CHRNA4: variants seen among roughly 807,000 people sequenced by gnomAD.
CHRNA4 encodes the protein cholinergic receptor nicotinic alpha 4 subunit.
Under a neutral mutation model 48.9 loss-of-function variants are expected in CHRNA4, and 28 were observed. That is an observed-to-expected ratio of 0.57 (90% CI 0.42 to 0.79). CHRNA4 has a LOEUF of 0.79. Ranked by LOEUF, CHRNA4 falls within the 30% of genes least tolerant of loss-of-function variation. The pLI is 0.00. For missense variants in CHRNA4, 859 were observed against 898.4 expected (o/e 0.96, Z 0.56); for synonymous variants, 425 against 402.3 (o/e 1.06, Z -0.68).
At position 63,350,128 on chromosome 20, in the gene CHRNA4, T is replaced by A. The variant is rs560507450; in HGVS notation, c.1283A>T (p.Gln428Leu). 6 of 1,560,412 alleles carry A rather than the reference T, an allele frequency of 3.8e-6. No individual in the cohort carries two copies. In the African/African-American group the frequency reaches 6.7e-5, roughly 18 times the overall value. The change falls in exon 5 of 6, where the codon CAG (glutamine) becomes CTG (leucine). Residue 428 changes from glutamine (Q) to leucine (L), a missense_variant. Coordinates refer to ENST00000370263, the MANE Select transcript of CHRNA4 (RefSeq NM_000744.7). ...TTCCAGGGGCTGCTGAGGAGGGAGCTGGTCGGAGGGTGACTTGCAGGAAGG... is the reference window on the plus strand; with the variant it reads ...TTCCAGGGGCTGCTGAGGAGGGAGCAGGTCGGAGGGTGACTTGCAGGAAGG... ...PGPSCKSPSD[Q>L]LPPQQPLEAE...
chr20:63,353,668 TG>T, intron 4 of CHRNA4, among the ~76,000 whole-genome samples: 1 of 43,574 alleles, frequency 2.3e-5, no homozygotes, highest in Non-Finnish European at 4.2e-5. Flanking sequence ...GCTGTGGTCC[TG>T]GGAGGGCTGC....
intron 2 of CHRNA4, among the ~76,000 whole-genome samples, chr20:63,357,882 T>C (rs1185981865): frequency 6.6e-6 from 1 of 152,156 alleles, no homozygotes; most frequent in African/African-American, 2.4e-5. Flanking sequence ...GTCTTGGTTC[T>C]GGGTGTGCTC....
chr20:63,351,677 G>C (rs914417559), intron 4 of CHRNA4, among the ~76,000 whole-genome samples: 6 of 152,248 alleles, frequency 3.9e-5, no homozygotes, highest in African/African-American at 1.4e-4. Context: ...TGGCCACCCA[G>C]GGCCAATGCA....
rs556758179 is a variant in CHRNA4 at position 63,348,487 on chromosome 20, C to T, written c.1758+1166G>A. Among the ~76,000 whole-genome samples, 10 of 152,344 alleles carry T rather than the reference C, an allele frequency of 6.6e-5. No individual in the cohort carries two copies. The South Asian group carries it at 2.1e-3, about 32-fold the overall frequency. On this transcript the variant is annotated intron_variant, in intron 5 of 5. Coordinates refer to ENST00000370263, the MANE Select transcript of CHRNA4 (RefSeq NM_000744.7). ...TCATGGGTATGGAGCACGGGCCCCT[C>T]GCTTTGGGGCTCGCTCAGCTAGTGG...
chr20:63,351,688 G>C (rs947249339), intron 4 of CHRNA4, among the ~76,000 whole-genome samples: 1 of 152,264 alleles, frequency 6.6e-6, no homozygotes, highest in Admixed American at 6.5e-5. Flanking sequence ...GGCCAATGCA[G>C]TGGGGCTGCA....
At chr20:63,352,558 C>G (rs1358469663) in intron 4 of CHRNA4, among the ~76,000 whole-genome samples, 1 of 152,194 alleles carries the variant, frequency 6.6e-6, no homozygotes, top group South Asian at 2.1e-4. Flanking sequence ...CGGGGCTTTA[C>G]CACCAAGTCA....
chr20:63,345,267 G>A lies in CHRNA4; in HGVS notation c.*1471C>T, dbSNP rs946591971. 1 of 452,538 alleles carries A rather than the reference G, an allele frequency of 2.2e-6. No homozygotes were observed. Among genetic ancestry groups the A allele is most frequent in the East Asian group, 7.0e-5 (1 of 14,342 alleles). The allele number at this position is 452,538 out of a possible 1,614,324, so 28.0% of individuals were successfully genotyped here. A position where few individuals can be genotyped will look rare whatever the true frequency, so the allele number is the denominator to read the frequency against. ...CCCAACCCCATCCCCACCCCTGGCT[G>A]GATGGGGTCTGGGGGCAGCAGAATG... is the stretch of plus-strand genomic sequence containing the variant. On this transcript the variant is annotated 3_prime_UTR_variant, in exon 6 of 6. Coordinates refer to ENST00000370263, the MANE Select transcript of CHRNA4 (RefSeq NM_000744.7). The surrounding 1 kb of genome is among the most constrained non-coding windows in gnomAD (Gnocchi z 5.4).
intron 4 of CHRNA4, chr20:63,354,574 A>C: frequency 1.8e-6 from 1 of 548,772 alleles, no homozygotes; most frequent in South Asian, 8.9e-5. Flanking sequence ...GGTCCTGGTG[A>C]GGCTGTGGAA....
At position 63,359,557 on chromosome 20, in the gene CHRNA4, G is replaced by A. The variant is rs1555840418; in HGVS notation, c.219C>T (p.Leu73=). Residue 73 remains leucine (L), a synonymous_variant, in exon 2 of 6, where the codon CTC becomes CTT. Transcript: ENST00000370263. ...CCACGCCCTCACCTACCACGTCAAT[G>A]AGCTGAGCGATGGACAGGCCGAAGC... ...LVRFGLSIAQ[L]IDVDEKNQMM... 1 of 1,612,678 alleles carries A rather than the reference G, an allele frequency of 6.2e-7. No homozygotes were observed.
Position 63,344,637 on chromosome 20 carries a change from G to A in CHRNA4, c.*2101C>T, listed in dbSNP as rs1010959914. 12 of 453,814 alleles carry A rather than the reference G, an allele frequency of 2.6e-5. No individual in the cohort carries two copies. Among genetic ancestry groups the A allele is most frequent in the African/African-American group, 1.2e-4 (6 of 49,946 alleles). 28.1% of individuals were successfully genotyped at this position (453,814 alleles called of 1,614,324 possible). ...CAACCACAGCTGGGCCCAGCACCCC[G>A]GGCCACTCCCTGCAGCTGCCCACAC... On this transcript the variant is annotated 3_prime_UTR_variant, in exon 6 of 6. Transcript: ENST00000370263. The surrounding 1 kb of genome is among the most constrained non-coding windows in gnomAD (Gnocchi z 4.5).
intron 2 of CHRNA4, chr20:63,359,269 G>A (rs548703129): frequency 1.2e-5 from 6 of 494,658 alleles, no homozygotes; most frequent in South Asian, 6.1e-5. Context: ...CTTTGCTTCC[G>A]AAGGTGCCTG....
rs1478272304 is a variant in CHRNA4 at position 63,345,630 on chromosome 20, C to T, written c.*1108G>A. The T allele has an allele frequency of 6.6e-6, 3 of 453,726 alleles. No individual in the cohort carries two copies. The highest frequency in any genetic ancestry group is 1.3e-5 in the Non-Finnish European group (3 of 226,626). 28.1% of individuals were successfully genotyped at this position (453,726 alleles called of 1,614,324 possible). On this transcript the variant is annotated 3_prime_UTR_variant, in exon 6 of 6. Transcript: ENST00000370263. This position sits in a 1 kb window ranked among gnomAD's most constrained non-coding sequence, Gnocchi z 5.4. ...ATGGGCCTGTGTGGAAACCCCAGGG[C>T]TCCCTGACTCCCATGAGGCTTCTCA...
Position 63,344,881 on chromosome 20 carries a change from C to T in CHRNA4, c.*1857G>A, listed in dbSNP as rs1258405041. ...CAGGTCAGAGCTCAGCAGATGGGGT[C>T]CTGAATACACGGGGGATGTGGGAGG... On this transcript the variant is annotated 3_prime_UTR_variant, in exon 6 of 6. Transcript: ENST00000370263. This position sits in a 1 kb window ranked among gnomAD's most constrained non-coding sequence, Gnocchi z 4.5. 5 of 415,476 alleles carry T rather than the reference C, an allele frequency of 1.2e-5. No individual in the cohort carries two copies. Among genetic ancestry groups the T allele is most frequent in the Non-Finnish European group, 2.4e-5 (5 of 205,858 alleles). 25.7% of individuals were successfully genotyped at this position (415,476 alleles called of 1,614,324 possible). A position where few individuals can be genotyped will look rare whatever the true frequency, so the allele number is the denominator to read the frequency against.
In CHRNA4 at chr20:63,346,758, A is replaced by G; in HGVS notation, c.1864T>C (p.Trp622Arg). The G allele has an allele frequency of 6.2e-7, 1 of 1,611,110 alleles. No homozygotes were observed. The highest frequency in any genetic ancestry group is 2.2e-5 in the East Asian group (1 of 44,862). ...LGTVGLFLPPWLAGMI is the reference protein window; with the variant it reads ...LGTVGLFLPPRLAGMI ...CCTTCCTAGATCATGCCAGCCAGCC[A>G]GGGCGGCAGGAAGAGGCCCACCGTC... The change falls in exon 6 of 6, where the codon TGG becomes CGG. Residue 622 changes from tryptophan (W) to arginine (R), a missense_variant. Physicochemically the swap from Trp to Arg is moderately radical, Grantham distance 101. Coordinates refer to ENST00000370263, the MANE Select transcript of CHRNA4 (RefSeq NM_000744.7).
chr20:63,359,986 G>GT, intron 1 of CHRNA4: 1 of 426,228 alleles, frequency 2.3e-6, no homozygotes, highest in Admixed American at 3.6e-5. Context: ...ACCCCTGGGT[G>GT]TAATTGTGAT....
intron 5 of CHRNA4, among the ~76,000 whole-genome samples, chr20:63,348,401 G>A (rs1161444010): frequency 1.3e-5 from 2 of 152,246 alleles, no homozygotes; most frequent in Admixed American, 6.5e-5. Flanking sequence ...CCTGCAGGAG[G>A]TTTTGCAGCT....
chr20:63,353,848 C>A (rs1224227799), intron 4 of CHRNA4, among the ~76,000 whole-genome samples: 2 of 54,404 alleles, frequency 3.7e-5, no homozygotes, highest in Admixed American at 2.5e-4. Flanking sequence ...GGGCTGTGAC[C>A]CTCGGGGGGG....
At chr20:63,347,394 C>T (rs551751525) in intron 5 of CHRNA4, among the ~76,000 whole-genome samples, 1 of 152,226 alleles carries the variant, frequency 6.6e-6, no homozygotes, top group African/African-American at 2.4e-5. Context: ...ACTCGAGCCT[C>T]CCCTGGCCTG....
Position 63,343,827 on chromosome 20 carries a change from C to T in CHRNA4, c.*2911G>A, listed in dbSNP as rs199575323. Reference sequence around the variant, plus strand: ...TGGTGCCTGGCACAGGGCGGGGAAACGTTGGCTTAGTGTGAGACTTTGATA... The same window carrying T: ...TGGTGCCTGGCACAGGGCGGGGAAATGTTGGCTTAGTGTGAGACTTTGATA... On this transcript the variant is annotated 3_prime_UTR_variant, in exon 6 of 6. Transcript: ENST00000370263. 12 of 454,014 alleles carry T rather than the reference C, an allele frequency of 2.6e-5. No homozygotes were observed. The highest frequency in any genetic ancestry group is 8.0e-5 in the African/African-American group (4 of 50,010). 28.1% of individuals were successfully genotyped at this position (454,014 alleles called of 1,614,324 possible).
Sources: gnomAD v4.1 joint callset for allele counts (sites outside exome capture counted in the v4.1 genomes callset) on GRCh38, gnomAD v4.1.1 for gene constraint, Gnocchi (gnomAD v3.1) non-coding constraint, MANE v1.5 for transcripts, NCBI Gene and HGNC (gene_info 2026-07-23, HGNC 2026-07-21) for gene names.